DZANK1: variants seen among roughly 807,000 people sequenced by gnomAD.
The protein encoded by DZANK1 is double zinc ribbon and ankyrin repeat-containing protein 1.
Under a neutral mutation model 94.5 loss-of-function variants are expected in DZANK1, and 91 were observed. The ratio of observed to expected loss-of-function variants is 0.96; its 90% CI spans 0.81 to 1.15. The LOEUF (loss-of-function observed/expected upper bound fraction) is 1.15, where lower values mean the gene tolerates loss of function less well. DZANK1 is among the 50% of genes most tolerant of loss of function. The probability of loss-of-function intolerance (pLI) is 0.00; values close to 1 mark genes in which losing one functional copy is unlikely to be tolerated. For synonymous variants in DZANK1, 312 were observed against 325.3 expected (o/e 0.96, Z 0.44); for missense variants, 903 against 916.4 (o/e 0.99, Z 0.19).
At chr20:18,413,233 A>T in intron 12 of DZANK1, 1 of 231,854 alleles carries the variant, frequency 4.3e-6, no homozygotes, top group Non-Finnish European at 8.4e-6. Flanking sequence ...AAACCTGGGG[A>T]CCTGAGAGGA....
chr20:18,450,692 A>C (rs2059067500), intron 6 of DZANK1, among the ~76,000 whole-genome samples: 1 of 152,206 alleles, frequency 6.6e-6, no homozygotes, highest in Non-Finnish European at 1.5e-5. Context: ...GGTAAGTGTG[A>C]GCAGCCATGC....
chr20:18,394,270 G>T (rs370777848), exon 16 of DZANK1: 1 of 1,613,414 alleles, frequency 6.2e-7, no homozygotes, highest in African/African-American at 1.3e-5. Flanking sequence ...TGGACCTGCT[G>T]CCGCACAGCC....
chr20:18,396,611 G>C (rs990602740), intron 14 of DZANK1, 65 bp from the exon 15 acceptor site: 2 of 1,156,740 alleles, frequency 1.7e-6, no homozygotes, highest in Non-Finnish European at 1.2e-6. Context: ...TTAAGTAACA[G>C]TGTACAAATT....
chr20:18,412,372 C>A (rs2057299318), intron 13 of DZANK1, among the ~76,000 whole-genome samples: 1 of 152,114 alleles, frequency 6.6e-6, no homozygotes, highest in Non-Finnish European at 1.5e-5. Context: ...TAACAACATG[C>A]CGTCACGACA....
chr20:18,455,074 T>A (rs1443118928), intron 4 of DZANK1, among the ~76,000 whole-genome samples, 173 bp downstream of exon 4: 1 of 152,176 alleles, frequency 6.6e-6, no homozygotes, highest in African/African-American at 2.4e-5. Context: ...GATAGGAGAC[T>A]GACAAAAGGC....
In DZANK1 at chr20:18,465,546, T is replaced by C. The variant is rs181635839; in HGVS notation, c.-19-169A>G. ...AATTACATTTCATCTGTATTTGCTG[T>C]TGAGGTCTTGTGTGGGGTTTTGATT... On this transcript the variant is annotated intron_variant, in intron 1 of 20. Transcript: ENST00000262547. 167 of 292,626 alleles carry C rather than the reference T, an allele frequency of 5.7e-4. 1 individual carries two copies. In the Admixed American group the frequency reaches 6.3e-3, roughly 11 times the overall value. 18.1% of individuals were successfully genotyped at this position (292,626 alleles called of 1,614,324 possible).
chr20:18,407,299 A>C (rs1326374395), intron 13 of DZANK1, among the ~76,000 whole-genome samples: 1 of 152,236 alleles, frequency 6.6e-6, no homozygotes, highest in Non-Finnish European at 1.5e-5. Flanking sequence ...AAGGGAAAAT[A>C]ACAAGAATCT....
chr20:18,405,780 G>A (rs933281877), intron 13 of DZANK1, among the ~76,000 whole-genome samples: 34 of 152,332 alleles, frequency 2.2e-4, no homozygotes, highest in Admixed American at 1.5e-3. Context: ...TGTGAAAAGA[G>A]GCATCGAGAA....
chr20:18,413,959 T>C (rs2057372843), intron 12 of DZANK1, among the ~76,000 whole-genome samples: 1 of 152,210 alleles, frequency 6.6e-6, no homozygotes, highest in South Asian at 2.1e-4. Context: ...TTGTTAGAGC[T>C]TAAGTACTTC....
chr20:18,440,965 A>G (rs1035188261), intron 8 of DZANK1, among the ~76,000 whole-genome samples: 3 of 152,184 alleles, frequency 2.0e-5, no homozygotes, highest in Non-Finnish European at 4.4e-5. Flanking sequence ...GATTTTCATC[A>G]ATATAACCCT....
intron 19 of DZANK1, among the ~76,000 whole-genome samples, chr20:18,385,729 A>G (rs1035939617): frequency 2.0e-5 from 3 of 152,146 alleles, no homozygotes; most frequent in Non-Finnish European, 4.4e-5. Flanking sequence ...TGGGCACGAT[A>G]GTAGCTTCTC....
intron 13 of DZANK1, among the ~76,000 whole-genome samples, chr20:18,401,501 A>C (rs750668878): frequency 2.6e-4 from 39 of 152,244 alleles, no homozygotes; most frequent in Non-Finnish European, 8.8e-5. Context: ...AATATGGTCA[A>C]TGCTCTGCAG....
chr20:18,430,549 C>T lies in DZANK1; in HGVS notation c.861+3103G>A, dbSNP rs141685846. Among the ~76,000 whole-genome samples, 362 of 152,232 alleles carry T rather than the reference C, an allele frequency of 2.4e-3. 5 individuals are homozygous for T. Among genetic ancestry groups the T allele is most frequent in the Admixed American group, 0.02 (304 of 15,294 alleles). On this transcript the variant is annotated intron_variant, in intron 9 of 20. Coordinates refer to ENST00000262547, the Ensembl canonical transcript of DZANK1. ...GCCAATGGAGGCCAGGTGCGGTGGC[C>T]CACGCCTGTAATCCCAGAACCTTGG...
intron 7 of DZANK1, among the ~76,000 whole-genome samples, chr20:18,447,414 C>T (rs777555531): frequency 2.0e-5 from 3 of 152,178 alleles, no homozygotes; most frequent in East Asian, 1.9e-4. Context: ...CTCCGCCTCC[C>T]GGGTTCAAGC....
intron 13 of DZANK1, among the ~76,000 whole-genome samples, chr20:18,404,040 C>G (rs2087968170): frequency 6.6e-6 from 1 of 152,076 alleles, no homozygotes; most frequent in Admixed American, 6.5e-5. Context: ...GACGGCCCAC[C>G]TCGGCCTCCC....
intron 8 of DZANK1, among the ~76,000 whole-genome samples, chr20:18,440,227 G>C (rs2058676907): frequency 6.6e-6 from 1 of 152,144 alleles, no homozygotes; most frequent in African/African-American, 2.4e-5. Flanking sequence ...GTGGGGTTTT[G>C]CTGTGGCAAC....
chr20:18,449,672 C>T (rs2059021549), intron 6 of DZANK1, among the ~76,000 whole-genome samples: 1 of 148,396 alleles, frequency 6.7e-6, no homozygotes, highest in East Asian at 2.0e-4. Context: ...GCAGGAGAAT[C>T]GCTTGAACCC....
rs1392147894 is a variant in DZANK1 at position 18,408,002 on chromosome 20, GA to G, written c.1432+4643del. 2.6e-5 allele frequency among the ~76,000 whole-genome samples: 4 copies of G among 152,178 alleles called. No homozygotes were observed. In the South Asian group the frequency reaches 8.3e-4, roughly 31 times the overall value. On this transcript the variant is annotated intron_variant, in intron 13 of 20. Transcript: ENST00000262547. ...AAAGAGGAGGTAGAGAAAGAAATAG[GA>G]GTAGAAAGTTTCTTCAAAGGGATAG...
chr20:18,404,123 GA>G (rs1402035902), intron 13 of DZANK1, among the ~76,000 whole-genome samples: 1 of 150,650 alleles, frequency 6.6e-6, no homozygotes, highest in Non-Finnish European at 1.5e-5. Context: ...AACATTATGA[GA>G]TTTTTTTTTT....
Sources: gnomAD v4.1 joint callset for allele counts (sites outside exome capture counted in the v4.1 genomes callset) on GRCh38, gnomAD v4.1.1 for gene constraint, MANE v1.5 for transcripts, NCBI Gene and HGNC (gene_info 2026-07-23, HGNC 2026-07-21) for gene names.